ARIH2: variants seen among roughly 807,000 people sequenced by gnomAD.
ARIH2 encodes ariadne RBR E3 ubiquitin protein ligase 2.
A neutral mutation model predicts 79.8 loss-of-function variants in ARIH2; 12 were observed. The ratio of observed to expected loss-of-function variants is 0.15; its 90% CI spans 0.10 to 0.24. The LOEUF (loss-of-function observed/expected upper bound fraction) is 0.24. ARIH2 is among the 10% of genes least tolerant of loss of function. ARIH2 has a pLI of 1.00. For synonymous variants in ARIH2, 224 were observed against 213.9 expected (o/e 1.05, Z -0.41); for missense variants, 301 against 618.3 (o/e 0.49, Z 5.44).
chr3:48,931,870 G>A (rs984333871), intron 3 of ARIH2, among the ~76,000 whole-genome samples: 31 of 152,102 alleles, frequency 2.0e-4, no homozygotes, highest in African/African-American at 5.3e-4. Context: ...TTAGCCAGGC[G>A]TGGTGGTGGG....
intron 3 of ARIH2, among the ~76,000 whole-genome samples, chr3:48,953,173 G>C (rs1295109763): frequency 6.6e-6 from 1 of 152,050 alleles, no homozygotes; most frequent in Non-Finnish European, 1.5e-5. Flanking sequence ...CAGGTGACCT[G>C]CCCGCCTCGG....
At chr3:48,959,568 C>T (rs2091013658) in intron 3 of ARIH2, among the ~76,000 whole-genome samples, 1 of 146,712 alleles carries the variant, frequency 6.8e-6, no homozygotes, top group African/African-American at 2.5e-5. Flanking sequence ...CTTTGGGAGG[C>T]CGAGGCGGGC....
At chr3:48,979,764 T>G in intron 12 of ARIH2, 131 bp downstream of exon 12, 4 of 942,242 alleles carry the variant, frequency 4.2e-6, no homozygotes, top group Non-Finnish European at 6.3e-6. Context: ...GCTCCTGCAG[T>G]ATCCCTGGTG....
At position 48,933,541 on chromosome 3, in the gene ARIH2, C is replaced by CTTT. The variant is rs779068845; in HGVS notation, c.255+5748_255+5750dup. Among the ~76,000 whole-genome samples the CTTT allele has an allele frequency of 1.4e-4, 18 of 125,856 alleles. No homozygotes were observed. The East Asian group carries it at 1.9e-3, about 13-fold the overall frequency. 82.6% of individuals were successfully genotyped at this position (125,856 alleles called of 152,430 possible). On this transcript the variant is annotated intron_variant, in intron 3 of 15. Transcript: ENST00000356401. ...GTGGCATAGTGAAGTATATTGCTCA[C>CTTT]TTTTTTTTTTTTTTTTTTTTTTAGT...
At position 48,953,865 on chromosome 3, in the gene ARIH2, TA is replaced by T. The variant is rs954733455; in HGVS notation, c.256-7737del. Reference sequence around the variant, plus strand: ...GCACATGCCACCATGCCCAGCTAATTAAAAAAAAAATGTTTTGGCTGGGCGT... The same window carrying T: ...GCACATGCCACCATGCCCAGCTAATTAAAAAAAAATGTTTTGGCTGGGCGT... On this transcript the variant is annotated intron_variant, in intron 3 of 15. Transcript: ENST00000356401. Among the ~76,000 whole-genome samples the T allele has an allele frequency of 9.6e-5, 14 of 145,228 alleles. No individual in the cohort carries two copies. The East Asian group carries it at 1.5e-3, about 16-fold the overall frequency.
At position 48,985,080 on chromosome 3, in the gene ARIH2, G is replaced by GAATA. The variant is rs892481375; in HGVS notation, c.*1815_*1818dup. The stretch of plus-strand genomic sequence containing the variant: ...GGTGTGAATGCTGTATTGGCACAGG[G>GAATA]AATAAATATCCTGGCGTCTGGAGCC... On this transcript the variant is annotated 3_prime_UTR_variant, in exon 16 of 16. Transcript: ENST00000356401. The GAATA allele has an allele frequency of 6.6e-6, 1 of 152,332 alleles. No homozygotes were observed. Among genetic ancestry groups the GAATA allele is most frequent in the African/African-American group, 2.4e-5 (1 of 41,560 alleles). The allele number at this position is 152,332 out of a possible 1,614,324, so 9.4% of individuals were successfully genotyped here.
chr3:48,931,482 G>T (rs1273679513), intron 3 of ARIH2, among the ~76,000 whole-genome samples: 1 of 151,930 alleles, frequency 6.6e-6, no homozygotes, highest in Non-Finnish European at 1.5e-5. Context: ...CCCGCGGGCA[G>T]AGGTTGCAGT....
rs369819340 is a variant in ARIH2 at position 48,981,677 on chromosome 3, A to G, written c.1275A>G (p.Gln425=). ...KLLAKCRYTL[Q]YTYPYAYYME... is the part of the protein sequence containing the mutation. ...TGTTGCAGTGTCGATACACCCTGCA[A>G]TACACCTACCCATATGCATATTACA... Residue 425 remains glutamine (Q), a synonymous_variant, in exon 14 of 16, where the codon CAA becomes CAG. Coordinates refer to ENST00000356401, the MANE Select transcript of ARIH2 (RefSeq NM_006321.4). 1.4e-5 allele frequency: 22 copies of G among 1,613,808 alleles called. No individual in the cohort carries two copies. In the African/African-American group the frequency reaches 1.6e-4, roughly 12 times the overall value.
intron 3 of ARIH2, among the ~76,000 whole-genome samples, chr3:48,956,974 A>G (rs994294356): frequency 3.3e-5 from 5 of 152,042 alleles, no homozygotes; most frequent in African/African-American, 1.2e-4. Context: ...CGGCCTCCCA[A>G]AGTGCTGGGA....
intron 3 of ARIH2, among the ~76,000 whole-genome samples, chr3:48,950,411 ACT>A (rs2089799371): frequency 6.6e-6 from 1 of 152,034 alleles, no homozygotes; most frequent in Non-Finnish European, 1.5e-5. Flanking sequence ...CAGTATCTCC[ACT>A]GTCTTGATTA....
intron 7 of ARIH2, 79 bp downstream of exon 7, chr3:48,968,734 T>C: frequency 1.3e-6 from 2 of 1,539,382 alleles, no homozygotes; most frequent in Non-Finnish European, 1.8e-6. Context: ...ACTTACTTTG[T>C]AGACTAGGCT....
chr3:48,982,630 G>A (rs1349584215), intron 14 of ARIH2: 3 of 416,770 alleles, frequency 7.2e-6, no homozygotes, highest in South Asian at 3.8e-5. Context: ...CTCTTTAGTG[G>A]CTTAAATTCT....
chr3:48,934,967 TG>T (rs1161500343), intron 3 of ARIH2: 1 of 984,838 alleles, frequency 1.0e-6, no homozygotes, highest in Non-Finnish European at 1.2e-6. Flanking sequence ...TGTGTGTGTT[TG>T]TTTTTTTTTG....
chr3:48,931,465 G>T (rs1298379824), intron 3 of ARIH2, among the ~76,000 whole-genome samples: 1 of 151,014 alleles, frequency 6.6e-6, no homozygotes. Flanking sequence ...AGGAGAATGG[G>T]TGTGAACCCG....
chr3:48,925,954 G>A (rs922474451), intron 2 of ARIH2, among the ~76,000 whole-genome samples: 3 of 152,048 alleles, frequency 2.0e-5, no homozygotes, highest in Non-Finnish European at 4.4e-5. Flanking sequence ...TCCTGACCTC[G>A]TGATCCACCC....
intron 3 of ARIH2, among the ~76,000 whole-genome samples, chr3:48,956,313 A>G (rs2090565661): frequency 6.6e-6 from 1 of 150,760 alleles, no homozygotes; most frequent in South Asian, 2.1e-4. Flanking sequence ...TAATTTTTAT[A>G]TTTTTAGTAG....
intron 11 of ARIH2, among the ~76,000 whole-genome samples, chr3:48,978,119 G>A (rs765149095): frequency 5.9e-5 from 9 of 152,030 alleles, no homozygotes; most frequent in Admixed American, 1.3e-4. Context: ...ATATAACAAG[G>A]CACATAGCCC....
intron 11 of ARIH2, among the ~76,000 whole-genome samples, chr3:48,977,219 CAAAA>C (rs1284637148): frequency 4.0e-5 from 6 of 151,850 alleles, no homozygotes; most frequent in Non-Finnish European, 8.8e-5. Flanking sequence ...AACAAACAAA[CAAAA>C]AACTGCCATC....
chr3:48,973,850 C>T (rs959790042), intron 9 of ARIH2, 34 bp downstream of exon 9: 4 of 1,509,338 alleles, frequency 2.7e-6, no homozygotes, highest in African/African-American at 1.4e-5. Flanking sequence ...ATGGATTTGC[C>T]CTCCTTAGTG....
Sources: gnomAD v4.1 joint callset for allele counts (sites outside exome capture counted in the v4.1 genomes callset) on GRCh38, gnomAD v4.1.1 for gene constraint, MANE v1.5 for transcripts, NCBI Gene and HGNC (gene_info 2026-07-23, HGNC 2026-07-21) for gene names.